Variants in MRTFB observed in about 807,000 individuals in gnomAD.
The protein encoded by MRTFB is myocardin-related transcription factor B.
A neutral mutation model predicts 104.2 loss-of-function variants in MRTFB; 29 were observed. The observed-to-expected ratio is 0.28, with a 90% CI of 0.21 to 0.38. The LOEUF is 0.38. Ranked by LOEUF, MRTFB falls within the 10% of genes least tolerant of loss-of-function variation. The pLI, the probability that MRTFB is intolerant of heterozygous loss-of-function variation, is 1.00. For synonymous variants in MRTFB, 535 were observed against 519.5 expected, an observed-to-expected ratio of 1.03 and a Z score of -0.41; for missense variants, 1,270 against 1,341.6, an observed-to-expected ratio of 0.95 and a Z score of 0.83.
intron 2 of MRTFB, among the ~76,000 whole-genome samples, chr16:14,083,653 C>T (rs977442141): frequency 2.0e-5 from 3 of 152,092 alleles, no homozygotes; most frequent in Admixed American, 6.6e-5. Context: ...GAGTGGGTGA[C>T]GCGGGTAATG....
At chr16:14,186,801 G>A in intron 3 of MRTFB, 2 of 1,561,856 alleles carry the variant, frequency 1.3e-6, no homozygotes, top group Non-Finnish European at 1.7e-6. Flanking sequence ...TTGGGGTATT[G>A]TGGGGAGCAA....
intron 8 of MRTFB, among the ~76,000 whole-genome samples, chr16:14,222,232 T>G (rs1307075770): frequency 6.6e-6 from 1 of 152,176 alleles, no homozygotes; most frequent in Non-Finnish European, 1.5e-5. Context: ...GATTTCACTT[T>G]CCTTCTTGTT....
intron 3 of MRTFB, among the ~76,000 whole-genome samples, chr16:14,163,833 CAAAAA>C (rs71715684): frequency 9.8e-6 from 1 of 102,144 alleles, no homozygotes; most frequent in African/African-American, 2.9e-5. Context: ...AACTCTGTCT[CAAAAA>C]AAAAAAAAAA....
the MRTFB span, among the ~76,000 whole-genome samples, chr16:14,005,203 A>G: frequency 6.6e-6 from 1 of 152,200 alleles, no homozygotes; most frequent in Non-Finnish European, 1.5e-5. Flanking sequence ...TTATTTCTAC[A>G]TTTCTTTGTT....
chr16:14,026,314 C>T, the MRTFB span, among the ~76,000 whole-genome samples: 17 of 152,156 alleles, frequency 1.1e-4, no homozygotes, highest in Admixed American at 8.5e-4. Flanking sequence ...CAAGTACCCA[C>T]AACTGATTTT....
At chr16:14,114,929 C>G (rs2036460887) in intron 2 of MRTFB, among the ~76,000 whole-genome samples, 1 of 152,178 alleles carries the variant, frequency 6.6e-6, no homozygotes, top group South Asian at 2.1e-4. Flanking sequence ...TAAATAGTGC[C>G]TGGCACACAG....
the MRTFB span, among the ~76,000 whole-genome samples, chr16:14,021,852 G>T: frequency 6.6e-6 from 1 of 152,064 alleles, no homozygotes; most frequent in Non-Finnish European, 1.5e-5. Context: ...CCATATTTTT[G>T]CAGTTGCGAA....
intron 6 of MRTFB, among the ~76,000 whole-genome samples, chr16:14,215,418 A>C (rs2041374016): frequency 2.0e-5 from 3 of 152,236 alleles, no homozygotes; most frequent in Admixed American, 2.0e-4. Context: ...TTACTTCCTG[A>C]AGTTCAGCAG....
chr16:14,115,089 C>G (rs541208502), intron 2 of MRTFB, among the ~76,000 whole-genome samples: 1 of 152,126 alleles, frequency 6.6e-6, no homozygotes, highest in Non-Finnish European at 1.5e-5. Context: ...GTTTGGGTCT[C>G]CTCTACTGGG....
chr16:14,246,095 GAAT>G (rs1302766864), intron 11 of MRTFB, among the ~76,000 whole-genome samples: 2 of 152,214 alleles, frequency 1.3e-5, no homozygotes, highest in African/African-American at 4.8e-5. Flanking sequence ...AAAATGGGAA[GAAT>G]AATGATACGG....
At chr16:14,113,563 T>C (rs1397573337) in intron 2 of MRTFB, among the ~76,000 whole-genome samples, 2 of 151,792 alleles carry the variant, frequency 1.3e-5, no homozygotes, top group African/African-American at 4.8e-5. Flanking sequence ...TTGTGGGAGG[T>C]TGAAGTGGAG....
chr16:14,071,612 G>T (rs34083273), intron 1 of MRTFB, among the ~76,000 whole-genome samples: 65 of 152,154 alleles, frequency 4.3e-4, no homozygotes, highest in African/African-American at 1.5e-3. Context: ...CGACCCCGGG[G>T]CCGCCTCAGT....
At chr16:14,215,077 A>G (rs1228941937) in intron 6 of MRTFB, 2 of 152,194 alleles carry the variant, frequency 1.3e-5, no homozygotes, top group Non-Finnish European at 2.9e-5. Flanking sequence ...TTGACCTATA[A>G]GGGACATTTT....
At chr16:14,180,832 G>A (rs1034462119) in intron 3 of MRTFB, among the ~76,000 whole-genome samples, 53 of 152,244 alleles carry the variant, frequency 3.5e-4, no homozygotes, top group African/African-American at 1.2e-3. Flanking sequence ...CTGGTGTGCC[G>A]GTCTGTTCCA....
chr16:14,227,977 G>C (rs966436496), intron 8 of MRTFB, among the ~76,000 whole-genome samples: 1 of 148,912 alleles, frequency 6.7e-6, no homozygotes, highest in African/African-American at 2.5e-5. Context: ...ACAGGCAAAG[G>C]ACTTGAATAG....
intron 10 of MRTFB, among the ~76,000 whole-genome samples, chr16:14,244,599 C>T (rs925139081): frequency 6.6e-6 from 1 of 152,168 alleles, no homozygotes; most frequent in Non-Finnish European, 1.5e-5. Flanking sequence ...ATATCAATTC[C>T]ACTGAAAATG....
chr16:14,121,115 T>A (rs2036823276), intron 2 of MRTFB, among the ~76,000 whole-genome samples: 1 of 152,132 alleles, frequency 6.6e-6, no homozygotes, highest in Admixed American at 6.5e-5. Flanking sequence ...TTAAAACTGG[T>A]TATTGTGAGT....
chr16:14,240,127 C>A (rs916259040), intron 9 of MRTFB, 110 bp from the exon 10 acceptor site: 7 of 1,307,900 alleles, frequency 5.4e-6, no homozygotes, highest in Non-Finnish European at 6.1e-6. Flanking sequence ...GTGGCTGTAC[C>A]CGTATCTAAG....
intron 15 of MRTFB, among the ~76,000 whole-genome samples, chr16:14,256,195 A>C (rs950442279): frequency 1.5e-4 from 13 of 84,532 alleles, no homozygotes; most frequent in Admixed American, 8.3e-4. Context: ...ACAGGATAAC[A>C]AAAAAAAAAA....
Sources: gnomAD v4.1 joint callset for allele counts (sites outside exome capture counted in the v4.1 genomes callset) on GRCh38, gnomAD v4.1.1 for gene constraint, MANE v1.5 for transcripts, NCBI Gene and HGNC (gene_info 2026-07-23, HGNC 2026-07-21) for gene names.